The following PTPRD variants were observed in gnomAD, a reference collection of about 807,000 sequenced individuals.
PTPRD encodes the protein receptor-type tyrosine-protein phosphatase delta.
In PTPRD, 34 loss-of-function variants were observed where a neutral mutation model predicts 214.5. The observed-to-expected ratio is 0.16, with a 90% CI of 0.12 to 0.21. The LOEUF is 0.21. Ranked by LOEUF, PTPRD falls within the 10% of genes least tolerant of loss-of-function variation. The probability of loss-of-function intolerance (pLI) is 1.00; values close to 1 mark genes in which losing one functional copy is unlikely to be tolerated. For synonymous variants in PTPRD, 1,128 were observed against 845.7 expected (o/e 1.33, Z -5.79); for missense variants, 2,545 against 2,398.7 (o/e 1.06, Z -1.27).
intron 7 of PTPRD, among the ~76,000 whole-genome samples, chr9:9,655,000 T>G (rs901032973): frequency 1.4e-4 from 21 of 147,078 alleles, no homozygotes; most frequent in Non-Finnish European, 2.5e-4. Context: ...AGCATATATA[T>G]ATATAGATAT....
chr9:8,530,473 C>T (rs1035685160), intron 14 of PTPRD, among the ~76,000 whole-genome samples: 1 of 152,008 alleles, frequency 6.6e-6, no homozygotes, highest in Non-Finnish European at 1.5e-5. Flanking sequence ...TCATTCTTTC[C>T]TCCTCAGAGC....
chr9:8,910,285 C>T (rs2098738352), intron 11 of PTPRD, among the ~76,000 whole-genome samples: 1 of 152,080 alleles, frequency 6.6e-6, no homozygotes, highest in Non-Finnish European at 1.5e-5. Context: ...GATCCGCCCA[C>T]CTCAGCCTCC....
intron 11 of PTPRD, among the ~76,000 whole-genome samples, chr9:8,902,636 C>G (rs905766481): frequency 6.6e-6 from 1 of 152,000 alleles, no homozygotes; most frequent in African/African-American, 2.4e-5. Context: ...TGAGCCACCA[C>G]GCCCAGCCTG....
At chr9:9,903,476 C>G (rs1331119796) in intron 5 of PTPRD, among the ~76,000 whole-genome samples, 1 of 152,052 alleles carries the variant, frequency 6.6e-6, no homozygotes, top group Non-Finnish European at 1.5e-5. Context: ...CCATTACACA[C>G]AGATCAGGTA....
At chr9:8,505,862 T>C (rs1015820778) in intron 22 of PTPRD, among the ~76,000 whole-genome samples, 32 of 152,168 alleles carry the variant, frequency 2.1e-4, no homozygotes, top group African/African-American at 6.5e-4. Flanking sequence ...TTTGTGTCTA[T>C]GTATGCCTGT....
intron 11 of PTPRD, among the ~76,000 whole-genome samples, chr9:8,880,496 A>C (rs2098436523): frequency 6.6e-6 from 1 of 152,140 alleles, no homozygotes; most frequent in South Asian, 2.1e-4. Flanking sequence ...TTATTGAGTA[A>C]AATTCTAAAT....
At chr9:9,118,080 G>C (rs2099814061) in intron 10 of PTPRD, among the ~76,000 whole-genome samples, 2 of 152,186 alleles carry the variant, frequency 1.3e-5, no homozygotes, top group African/African-American at 4.8e-5. Flanking sequence ...ATCAGCTTCT[G>C]GCAGGTTGGA....
chr9:8,760,253 A>G (rs1250267023), intron 11 of PTPRD, among the ~76,000 whole-genome samples: 1 of 151,058 alleles, frequency 6.6e-6, no homozygotes, highest in Non-Finnish European at 1.5e-5. Flanking sequence ...TTAAATACAC[A>G]CAGATACACA....
At chr9:9,706,034 T>G (rs986115823) in intron 7 of PTPRD, among the ~76,000 whole-genome samples, 1 of 152,128 alleles carries the variant, frequency 6.6e-6, no homozygotes, top group Non-Finnish European at 1.5e-5. Flanking sequence ...TTCTTGCAAA[T>G]TAATCATGAG....
intron 3 of PTPRD, among the ~76,000 whole-genome samples, chr9:10,300,714 G>C (rs1377968597): frequency 6.6e-6 from 1 of 152,114 alleles, no homozygotes. Context: ...TGCCTCTCTA[G>C]ATTCCTCCTC....
At chr9:10,072,647 G>A (rs184107) in intron 3 of PTPRD, among the ~76,000 whole-genome samples, 123,553 of 151,982 alleles carry the variant, frequency 0.81, 50,934 homozygotes, top group African/African-American at 0.95. Flanking sequence ...GCAATTGACT[G>A]CTTTTAGGAT....
At chr9:10,069,541 C>T (rs2097954355) in intron 3 of PTPRD, among the ~76,000 whole-genome samples, 1 of 151,938 alleles carries the variant, frequency 6.6e-6, no homozygotes, top group African/African-American at 2.4e-5. Context: ...AATGCTTTTT[C>T]TTTCTCTCAC....
chr9:8,736,732 T>A (rs1004144975), intron 11 of PTPRD, among the ~76,000 whole-genome samples: 2 of 151,828 alleles, frequency 1.3e-5, no homozygotes, highest in Non-Finnish European at 2.9e-5. Context: ...TGGGTTGGCA[T>A]GAAGAAGCAA....
chr9:9,772,177 A>T (rs2098757209), intron 5 of PTPRD, among the ~76,000 whole-genome samples: 1 of 152,122 alleles, frequency 6.6e-6, no homozygotes, highest in Non-Finnish European at 1.5e-5. Context: ...GGATGCTAGA[A>T]CACAGCGAGA....
intron 8 of PTPRD, among the ~76,000 whole-genome samples, chr9:9,568,973 T>C (rs2085469710): frequency 6.6e-6 from 1 of 151,632 alleles, no homozygotes; most frequent in African/African-American, 2.4e-5. Context: ...GTATCTACAA[T>C]AAGGAGTTGT....
At chr9:10,112,119 T>C (rs2098696398) in intron 3 of PTPRD, among the ~76,000 whole-genome samples, 1 of 152,326 alleles carries the variant, frequency 6.6e-6, no homozygotes, top group Admixed American at 6.5e-5. Flanking sequence ...TTTCCCCTTT[T>C]GCCCTAAGTG....
chr9:8,591,503 A>C (rs1486959910), intron 14 of PTPRD, among the ~76,000 whole-genome samples: 2 of 152,204 alleles, frequency 1.3e-5, no homozygotes, highest in Non-Finnish European at 2.9e-5. Flanking sequence ...TTTAATTTTC[A>C]AAAGATAAAC....
intron 9 of PTPRD, among the ~76,000 whole-genome samples, chr9:9,297,971 T>G (rs927915659): frequency 5.3e-5 from 8 of 151,752 alleles, no homozygotes; most frequent in Admixed American, 2.0e-4. Context: ...TAAGTTTGGT[T>G]TGGATAATTC....
intron 5 of PTPRD, among the ~76,000 whole-genome samples, chr9:9,918,617 A>G (rs961396464): frequency 6.6e-6 from 1 of 152,176 alleles, no homozygotes; most frequent in Non-Finnish European, 1.5e-5. Context: ...ACAAAACAGC[A>G]AAACTGAAGG....
Sources: allele counts gnomAD v4.1 joint callset (sites outside exome capture counted in the v4.1 genomes callset), GRCh38; gene constraint gnomAD v4.1.1; transcripts MANE v1.5; gene names NCBI Gene and HGNC (gene_info 2026-07-23, HGNC 2026-07-21).